The following RABGAP1 variants were observed in gnomAD, a reference collection of about 807,000 sequenced individuals.
RABGAP1 encodes RAB GTPase activating protein 1, also known as rab GTPase-activating protein 1.
In RABGAP1, 23 loss-of-function variants were observed where a neutral mutation model predicts 137.6. The ratio of observed to expected loss-of-function variants is 0.17; its 90% CI spans 0.12 to 0.24. The LOEUF (loss-of-function observed/expected upper bound fraction) is 0.24. Among genes scored for constraint, RABGAP1 ranks in the 10% least tolerant of loss-of-function variants. RABGAP1 has a pLI of 1.00. For synonymous variants in RABGAP1, 451 were observed against 450.7 expected (o/e 1.00, Z -0.01); for missense variants, 906 against 1,275.8 (o/e 0.71, Z 4.42).
At chr9:123,027,514 C>T (rs889088082) in intron 13 of RABGAP1, among the ~76,000 whole-genome samples, 23 of 152,220 alleles carry the variant, frequency 1.5e-4, no homozygotes, top group African/African-American at 5.3e-4. Context: ...TATGTTATTA[C>T]TACGCAGATT....
chr9:122,989,252 T>G, intron 4 of RABGAP1, 45 bp from the exon 5 acceptor site: 1 of 1,521,662 alleles, frequency 6.6e-7, no homozygotes, highest in Non-Finnish European at 9.1e-7. Context: ...TAGTGCAGAT[T>G]GTTCATAATT....
chr9:123,065,639 A>G (rs1224730321), intron 14 of RABGAP1, 178 bp downstream of exon 14: 2 of 564,698 alleles, frequency 3.5e-6, no homozygotes, highest in African/African-American at 3.8e-5. Context: ...AGAGTAGAAA[A>G]TAATAAGAAA....
chr9:122,966,012 TA>T (rs1412066542), intron 2 of RABGAP1, among the ~76,000 whole-genome samples: 1 of 152,104 alleles, frequency 6.6e-6, no homozygotes, highest in Non-Finnish European at 1.5e-5. Flanking sequence ...AAATCTGAAC[TA>T]AAAAGTAATG....
At chr9:123,011,635 A>C (rs570761678) in intron 11 of RABGAP1, among the ~76,000 whole-genome samples, 50 of 152,302 alleles carry the variant, frequency 3.3e-4, no homozygotes, top group African/African-American at 1.2e-3. Flanking sequence ...CCTGAAAAAT[A>C]GGATTTATTG....
chr9:123,056,344 C>G (rs1333524993), intron 13 of RABGAP1, among the ~76,000 whole-genome samples: 1 of 152,144 alleles, frequency 6.6e-6, no homozygotes, highest in Non-Finnish European at 1.5e-5. Flanking sequence ...GACAAGTATA[C>G]AAATGACTAT....
chr9:122,940,800 A>T (rs1056128551), upstream of RABGAP1: 1 of 152,716 alleles, frequency 6.5e-6, no homozygotes, highest in African/African-American at 2.4e-5. Flanking sequence ...GCCCAGGTCC[A>T]GCTCACAGCC....
chr9:122,976,155 C>T (rs1042574417), intron 2 of RABGAP1, among the ~76,000 whole-genome samples: 2 of 152,118 alleles, frequency 1.3e-5, no homozygotes, highest in East Asian at 1.9e-4. Context: ...TCCCTGCAAA[C>T]GTTTATGTCA....
rs552404903 is a variant in RABGAP1 at position 122,973,202 on chromosome 9, A to G, written c.151-11283A>G. 5.3e-5 allele frequency among the ~76,000 whole-genome samples: 8 copies of G among 152,280 alleles called. No homozygotes were observed. In the South Asian group the frequency reaches 1.5e-3, roughly 28 times the overall value. On this transcript the variant is annotated intron_variant, in intron 2 of 25. Coordinates refer to ENST00000373647, the MANE Select transcript of RABGAP1 (RefSeq NM_012197.4). ...CTCTATAAATACTGGTTGGGGATGC[A>G]TTGATGAACTAGTGTTTCTTATGCA...
intron 13 of RABGAP1, among the ~76,000 whole-genome samples, chr9:123,058,796 C>G (rs1374522053): frequency 1.3e-5 from 2 of 152,120 alleles, no homozygotes; most frequent in African/African-American, 4.8e-5. Context: ...GGAAGAGTGA[C>G]AAGTGGAAAA....
At chr9:123,090,411 A>G (rs952193515) in intron 21 of RABGAP1, 26 bp downstream of exon 21, 2 of 1,539,858 alleles carry the variant, frequency 1.3e-6, no homozygotes, top group Non-Finnish European at 8.9e-7. Context: ...CTGAAGGGAA[A>G]GATCTCACTG....
chr9:122,998,894 T>TA, intron 10 of RABGAP1, 128 bp downstream of exon 10: 1 of 521,486 alleles, frequency 1.9e-6, no homozygotes, highest in Non-Finnish European at 3.1e-6. Flanking sequence ...GGAAAAATTA[T>TA]ATTTTTCATA....
At chr9:123,074,185 A>AT (rs2034444363) in intron 16 of RABGAP1, 100 bp from the exon 17 acceptor site, 1 of 1,402,354 alleles carries the variant, frequency 7.1e-7, no homozygotes, top group African/African-American at 1.5e-5. Flanking sequence ...AAACACAAGT[A>AT]TTTTACTTTT....
rs781397485 is a variant in RABGAP1, at chr9:123,101,009, A to G, written c.2890-557A>G. Among the ~76,000 whole-genome samples the G allele has an allele frequency of 2.7e-4, 41 of 152,294 alleles. No individual in the cohort carries two copies. In the Middle Eastern group the frequency reaches 0.014, roughly 51 times the overall value. ...GGTTTAATTGGCAGAATGTTTTCTT[A>G]GAGGAACATAAAATGACATTTCTTA... is the stretch of plus-strand genomic sequence containing the variant. On this transcript the variant is annotated intron_variant, in intron 24 of 25. Transcript: ENST00000373647.
chr9:123,078,194 C>G (rs1350575730), intron 19 of RABGAP1, among the ~76,000 whole-genome samples: 1 of 151,702 alleles, frequency 6.6e-6, no homozygotes, highest in Non-Finnish European at 1.5e-5. Flanking sequence ...CAAAAACTAC[C>G]TATTAGCCTG....
chr9:123,073,776 G>GCGATC, intron 16 of RABGAP1, 99 bp downstream of exon 16: 2 of 1,470,436 alleles, frequency 1.4e-6, no homozygotes, highest in Non-Finnish European at 9.3e-7. Flanking sequence ...AATTGCCTTA[G>GCGATC]CGATCCGTGG....
intron 13 of RABGAP1, among the ~76,000 whole-genome samples, chr9:123,056,747 T>C (rs1455540565): frequency 2.6e-5 from 4 of 152,132 alleles, no homozygotes; most frequent in African/African-American, 4.8e-5. Flanking sequence ...CCTTAATCCA[T>C]TTAACCCTGA....
At chr9:123,005,849 A>G (rs1436303662) in intron 10 of RABGAP1, among the ~76,000 whole-genome samples, 1 of 152,244 alleles carries the variant, frequency 6.6e-6, no homozygotes, top group Non-Finnish European at 1.5e-5. Flanking sequence ...TCCCTTCTGT[A>G]GAAGGTGTAA....
chr9:123,092,282 G>C (rs145820756), intron 21 of RABGAP1, among the ~76,000 whole-genome samples: 13 of 152,310 alleles, frequency 8.5e-5, no homozygotes, highest in Non-Finnish European at 1.8e-4. Context: ...TGACACAGTA[G>C]TGAGAGAACC....
chr9:123,042,313 G>C (rs967309252), intron 13 of RABGAP1, among the ~76,000 whole-genome samples: 2 of 152,080 alleles, frequency 1.3e-5, no homozygotes, highest in African/African-American at 4.8e-5. Flanking sequence ...GTTTTTTATT[G>C]CTTCACTTTT....
Sources: allele counts gnomAD v4.1 joint callset (sites outside exome capture counted in the v4.1 genomes callset), GRCh38; gene constraint gnomAD v4.1.1; transcripts MANE v1.5; gene names NCBI Gene and HGNC (gene_info 2026-07-23, HGNC 2026-07-21).